Variants in SPOCK1 observed in about 807,000 individuals in gnomAD.
SPOCK1 encodes SPARC (osteonectin), cwcv and kazal like domains proteoglycan 1, also known as testican-1.
A neutral mutation model predicts 55.3 loss-of-function variants in SPOCK1; 23 were observed. That is an observed-to-expected ratio of 0.42 (90% confidence interval 0.30 to 0.59). The LOEUF (loss-of-function observed/expected upper bound fraction) is 0.59, where lower values mean the gene tolerates loss of function less well. SPOCK1 is among the 20% of genes least tolerant of loss of function. The pLI is 0.22. For missense variants in SPOCK1, 499 were observed against 552.5 expected (o/e 0.90, Z 0.97); for synonymous variants, 226 against 221.0 (o/e 1.02, Z -0.20).
At chr5:137,101,250 C>G (rs949050961) in intron 5 of SPOCK1, among the ~76,000 whole-genome samples, 1 of 152,232 alleles carries the variant, frequency 6.6e-6, no homozygotes, top group African/African-American at 2.4e-5. Flanking sequence ...TGTGTCTATT[C>G]ATTCTGGCCA....
intron 6 of SPOCK1, among the ~76,000 whole-genome samples, chr5:137,051,784 G>A (rs538166966): frequency 2.6e-5 from 4 of 152,192 alleles, no homozygotes; most frequent in South Asian, 4.2e-4. Flanking sequence ...TAGCATACAC[G>A]CACACATACA....
At chr5:137,192,163 G>C (rs185134107) in intron 3 of SPOCK1, among the ~76,000 whole-genome samples, 1 of 148,846 alleles carries the variant, frequency 6.7e-6, no homozygotes, top group African/African-American at 2.5e-5. Context: ...GCTTGAACCC[G>C]GGAGGTGGAG....
chr5:137,454,596 A>G (rs1488774780), intron 2 of SPOCK1, among the ~76,000 whole-genome samples: 1 of 152,212 alleles, frequency 6.6e-6, no homozygotes, highest in Non-Finnish European at 1.5e-5. Flanking sequence ...TATTTATTCC[A>G]GCAATGTTTG....
chr5:137,346,815 C>G (rs568821540), intron 2 of SPOCK1, among the ~76,000 whole-genome samples: 1 of 152,114 alleles, frequency 6.6e-6, no homozygotes, highest in East Asian at 1.9e-4. Context: ...ATACGTGAGC[C>G]CTGTCTTCAA....
chr5:137,206,726 C>T (rs1236178211), intron 3 of SPOCK1, among the ~76,000 whole-genome samples: 2 of 152,188 alleles, frequency 1.3e-5, no homozygotes, highest in African/African-American at 4.8e-5. Context: ...ACAGGAGAAA[C>T]TTCACATAAA....
At chr5:137,382,327 G>A (rs1176416917) in intron 2 of SPOCK1, among the ~76,000 whole-genome samples, 3 of 152,126 alleles carry the variant, frequency 2.0e-5, no homozygotes, top group Admixed American at 1.3e-4. Context: ...GTCTTCTTCT[G>A]AGCTCTCCAA....
At chr5:137,431,528 C>A (rs560623689) in intron 2 of SPOCK1, among the ~76,000 whole-genome samples, 1 of 152,218 alleles carries the variant, frequency 6.6e-6, no homozygotes, top group African/African-American at 2.4e-5. Flanking sequence ...AATTTGATCC[C>A]CGGTGTGGTG....
chr5:137,274,728 T>G (rs1757029465), intron 2 of SPOCK1, among the ~76,000 whole-genome samples: 1 of 152,192 alleles, frequency 6.6e-6, no homozygotes, highest in East Asian at 1.9e-4. Flanking sequence ...AAAATAATTA[T>G]GAAATACTTA....
intron 3 of SPOCK1, among the ~76,000 whole-genome samples, chr5:137,223,082 A>C (rs1318015004): frequency 6.6e-6 from 1 of 152,182 alleles, no homozygotes; most frequent in Non-Finnish European, 1.5e-5. Flanking sequence ...AGTGACATAC[A>C]GATGATAAAC....
intron 5 of SPOCK1, among the ~76,000 whole-genome samples, chr5:137,082,387 G>T (rs1237586083): frequency 2.6e-5 from 4 of 152,210 alleles, no homozygotes; most frequent in African/African-American, 9.6e-5. Flanking sequence ...AAGCTATTGG[G>T]ATAAGATGCC....
intron 2 of SPOCK1, among the ~76,000 whole-genome samples, chr5:137,439,102 T>C (rs1408906578): frequency 1.3e-5 from 2 of 152,090 alleles, no homozygotes; most frequent in African/African-American, 2.4e-5. Context: ...GCCTAATTCA[T>C]AGGATTAGTG....
chr5:137,393,201 T>G (rs758844514), intron 2 of SPOCK1, among the ~76,000 whole-genome samples: 9 of 152,170 alleles, frequency 5.9e-5, no homozygotes, highest in Non-Finnish European at 1.3e-4. Context: ...CCTTCCTGTA[T>G]GTACACTCTT....
chr5:137,406,814 A>G (rs563443738), intron 2 of SPOCK1, among the ~76,000 whole-genome samples: 57 of 152,338 alleles, frequency 3.7e-4, no homozygotes, highest in African/African-American at 1.3e-3. Flanking sequence ...ACACCTGTAA[A>G]ATGGAAATAA....
At chr5:137,257,232 T>C (rs1479703314) in intron 3 of SPOCK1, among the ~76,000 whole-genome samples, 1 of 152,198 alleles carries the variant, frequency 6.6e-6, no homozygotes, top group African/African-American at 2.4e-5. Context: ...CCTTCATATC[T>C]CTTAACAAAA....
At chr5:137,485,981 C>G (rs1359864711) in intron 2 of SPOCK1, among the ~76,000 whole-genome samples, 1 of 152,170 alleles carries the variant, frequency 6.6e-6, no homozygotes, top group Non-Finnish European at 1.5e-5. Flanking sequence ...CACCTTCGAT[C>G]TCTGTATGCT....
chr5:137,172,300 T>C (rs1754767985), intron 3 of SPOCK1, among the ~76,000 whole-genome samples: 1 of 152,212 alleles, frequency 6.6e-6, no homozygotes, highest in Non-Finnish European at 1.5e-5. Flanking sequence ...CCATTCATTT[T>C]GATACCTCAG....
intron 3 of SPOCK1, among the ~76,000 whole-genome samples, chr5:137,182,146 T>C (rs1176642140): frequency 1.3e-5 from 2 of 152,198 alleles, no homozygotes; most frequent in Non-Finnish European, 2.9e-5. Context: ...CATCCTTCAA[T>C]GGATACCATC....
chr5:137,234,094 C>T (rs747432990), intron 3 of SPOCK1, among the ~76,000 whole-genome samples: 29 of 152,120 alleles, frequency 1.9e-4, no homozygotes, highest in Non-Finnish European at 3.8e-4. Context: ...CCCCAGCTGC[C>T]CAGGTGTCTC....
intron 4 of SPOCK1, among the ~76,000 whole-genome samples, chr5:137,116,242 A>G (rs1463142146): frequency 2.0e-5 from 3 of 152,204 alleles, no homozygotes; most frequent in Non-Finnish European, 2.9e-5. Context: ...TCAACTGTAT[A>G]TTCTCCATCT....
Sources: allele counts gnomAD v4.1 joint callset (sites outside exome capture counted in the v4.1 genomes callset), GRCh38; gene constraint gnomAD v4.1.1; transcripts MANE v1.5; gene names NCBI Gene and HGNC (gene_info 2026-07-23, HGNC 2026-07-21).